The following LAMP3 variants were observed in gnomAD, a reference collection of about 807,000 sequenced individuals.
LAMP3 encodes lysosome associated membrane protein 3.
LAMP3 carries 26 observed loss-of-function variants against 34.8 expected under a neutral mutation model. The observed-to-expected ratio is 0.75, with a 90% CI of 0.55 to 1.04. The LOEUF is 1.04. Among genes scored for constraint, LAMP3 ranks in the 50% least tolerant of loss-of-function variants. The probability of loss-of-function intolerance (pLI) is 0.00; values close to 1 mark genes in which losing one functional copy is unlikely to be tolerated. For synonymous variants in LAMP3, 180 were observed against 201.9 expected (o/e 0.89, Z 0.92); for missense variants, 495 against 524.0 (o/e 0.94, Z 0.54).
intron 1 of LAMP3, among the ~76,000 whole-genome samples, chr3:183,159,225 T>G (rs1165325303): frequency 6.6e-6 from 1 of 152,180 alleles, no homozygotes; most frequent in African/African-American, 2.4e-5. Flanking sequence ...CCAGATACTA[T>G]GAGAGTGTGG....
intron 4 of LAMP3, among the ~76,000 whole-genome samples, chr3:183,139,940 T>C (rs1316254317): frequency 2.0e-5 from 3 of 152,230 alleles, no homozygotes; most frequent in African/African-American, 7.2e-5. Context: ...TAAGCTGCAC[T>C]ATCGACAGCA....
intron 3 of LAMP3, among the ~76,000 whole-genome samples, chr3:183,150,289 C>T (rs771026354): frequency 2.6e-5 from 4 of 152,092 alleles, no homozygotes; most frequent in Non-Finnish European, 5.9e-5. Context: ...GAATCCAGCC[C>T]GAAGGAATAG....
intron 4 of LAMP3, among the ~76,000 whole-genome samples, chr3:183,139,591 A>T (rs1475086409): frequency 6.6e-6 from 1 of 152,170 alleles, no homozygotes; most frequent in Non-Finnish European, 1.5e-5. Context: ...TCACAGTAAG[A>T]TATTACAAAC....
At chr3:183,153,421 G>A (rs1383952800) in intron 2 of LAMP3, among the ~76,000 whole-genome samples, 2 of 152,128 alleles carry the variant, frequency 1.3e-5, no homozygotes, top group Non-Finnish European at 2.9e-5. Flanking sequence ...ACGACACTCT[G>A]CCCATGTTGG....
rs759065168 is a variant in LAMP3, at chr3:183,154,386, A to C, written c.55T>G (p.Leu19Val). ...GCTCTCATTTGACTGCCATCGTGCA[A>C]AATTACTGAAAATTAGGAAATAAAA... ...AALFASLAVILHDGSQMRAKA... is the reference protein window; with the variant it reads ...AALFASLAVIVHDGSQMRAKA... Residue 19 changes from leucine (L) to valine (V), a missense_variant, in exon 2 of 6, where the codon TTG (leucine) becomes GTG (valine). By Grantham distance (32) the Leu-to-Val change is conservative. Transcript: ENST00000265598. 8 of 1,588,842 alleles carry C rather than the reference A, an allele frequency of 5.0e-6. No individual in the cohort carries two copies. In the Admixed American group the frequency reaches 1.3e-4, roughly 25 times the overall value.
intron 5 of LAMP3, among the ~76,000 whole-genome samples, chr3:183,129,779 G>T (rs569333439): frequency 1.3e-5 from 2 of 152,056 alleles, no homozygotes; most frequent in African/African-American, 4.8e-5. Context: ...GGACTAAATT[G>T]TATCCCCTCC....
chr3:183,160,411 G>C (rs936170226), intron 1 of LAMP3, among the ~76,000 whole-genome samples: 1 of 152,146 alleles, frequency 6.6e-6, no homozygotes, highest in African/African-American at 2.4e-5. Context: ...GTTTTGTTTT[G>C]TTTGAGACAC....
rs769794764 is a variant in LAMP3, at chr3:183,154,290, G to GT, written c.150dup (p.Pro51ThrfsTer7). 8.1e-6 allele frequency: 13 copies of GT among 1,613,932 alleles called. No individual in the cohort carries two copies. The highest frequency in any genetic ancestry group is 1.6e-4 in the Middle Eastern group (1 of 6,084). ...GCTTGCTTAGCTGGTTGCTGGACAG[G>GT]TTTTTTTATGTCCTGTACTGTTGCT... On this transcript the variant is annotated frameshift_variant, in exon 2 of 6. Transcript: ENST00000265598. LOFTEE classifies it high-confidence loss of function.
chr3:183,132,720 A>G (rs868493851), intron 5 of LAMP3: 13 of 985,320 alleles, frequency 1.3e-5, no homozygotes, highest in Non-Finnish European at 1.4e-5. Context: ...GGAGGGTGCA[A>G]CAGGCAACGA....
intron 1 of LAMP3, among the ~76,000 whole-genome samples, chr3:183,157,748 A>AG (rs199613027): frequency 1.0e-3 from 158 of 152,206 alleles, no homozygotes; most frequent in African/African-American, 3.7e-3. Context: ...CACCCTTAAA[A>AG]AAAACAAAAA....
chr3:183,127,769 T>C (rs984024779), intron 5 of LAMP3, among the ~76,000 whole-genome samples: 1 of 152,222 alleles, frequency 6.6e-6, no homozygotes, highest in African/African-American at 2.4e-5. Context: ...ATCTTTGACC[T>C]TGATCCATTG....
chr3:183,139,068 T>TC (rs1383855631), intron 4 of LAMP3, among the ~76,000 whole-genome samples: 1 of 152,020 alleles, frequency 6.6e-6, no homozygotes, highest in African/African-American at 2.4e-5. Context: ...TCCTCTCCAC[T>TC]CCCCCTGCTT....
At chr3:183,129,121 A>T (rs1719851092) in intron 5 of LAMP3, among the ~76,000 whole-genome samples, 1 of 152,170 alleles carries the variant, frequency 6.6e-6, no homozygotes, top group Non-Finnish European at 1.5e-5. Context: ...AGATCATTGT[A>T]GAAATTATTT....
chr3:183,135,183 A>G (rs992867282), intron 5 of LAMP3, among the ~76,000 whole-genome samples: 1 of 152,338 alleles, frequency 6.6e-6, no homozygotes, highest in African/African-American at 2.4e-5. Flanking sequence ...GACTATGAGG[A>G]AACACTGTTG....
At chr3:183,128,455 T>C (rs1295122269) in intron 5 of LAMP3, among the ~76,000 whole-genome samples, 3 of 152,238 alleles carry the variant, frequency 2.0e-5, no homozygotes, top group East Asian at 1.9e-4. Context: ...TAGGATTCCA[T>C]TGTGGGATGA....
chr3:183,145,212 A>G (rs1280026651), intron 3 of LAMP3, among the ~76,000 whole-genome samples: 2 of 152,196 alleles, frequency 1.3e-5, no homozygotes, highest in East Asian at 3.8e-4. Context: ...AACTTTCAGC[A>G]TGTCACCCTA....
intron 5 of LAMP3, among the ~76,000 whole-genome samples, chr3:183,127,456 GTTT>G (rs1358734216): frequency 6.6e-6 from 1 of 151,958 alleles, no homozygotes; most frequent in Non-Finnish European, 1.5e-5. Flanking sequence ...TTATGTCACT[GTTT>G]TTAACATTGT....
At chr3:183,163,505 GTCTCGA>G (rs1721045631), upstream of LAMP3, 1 of 151,830 alleles carries the variant, frequency 6.6e-6, no homozygotes, top group African/African-American at 2.4e-5. Flanking sequence ...GGCCAGGCTG[GTCTCGA>G]TCTCCTGACC....
At chr3:183,131,474 C>T (rs1157616037) in intron 5 of LAMP3, among the ~76,000 whole-genome samples, 7 of 152,098 alleles carry the variant, frequency 4.6e-5, no homozygotes, top group African/African-American at 1.2e-4. Context: ...CTGTTAAGCC[C>T]GAGTCTCTTT....
Sources: allele counts gnomAD v4.1 joint callset (sites outside exome capture counted in the v4.1 genomes callset), GRCh38; gene constraint gnomAD v4.1.1; transcripts MANE v1.5; gene names NCBI Gene and HGNC (gene_info 2026-07-23, HGNC 2026-07-21).